The following PKD1L1 variants were observed in gnomAD, a reference collection of about 807,000 sequenced individuals.
PKD1L1 encodes the protein polycystin 1 like 1, transient receptor potential channel interacting.
A neutral mutation model predicts 323.4 loss-of-function variants in PKD1L1; 236 were observed. The ratio of observed to expected loss-of-function variants is 0.73; its 90% CI spans 0.66 to 0.81. PKD1L1 has a LOEUF of 0.81. PKD1L1 is among the 40% of genes least tolerant of loss of function. PKD1L1 has a pLI of 0.00. For missense variants in PKD1L1, 3,320 were observed against 3,508.0 expected, an observed-to-expected ratio of 0.95 and a Z score of 1.35; for synonymous variants, 1,344 against 1,335.0, an observed-to-expected ratio of 1.01 and a Z score of -0.15.
At chr7:47,933,090 C>T (rs1053173201) in intron 4 of PKD1L1, among the ~76,000 whole-genome samples, 5 of 152,214 alleles carry the variant, frequency 3.3e-5, no homozygotes, top group Admixed American at 3.3e-4. Flanking sequence ...AACATTTTAT[C>T]TGAGGAATGC....
intron 24 of PKD1L1, among the ~76,000 whole-genome samples, chr7:47,872,662 A>T (rs1196605127): frequency 1.3e-5 from 2 of 152,226 alleles, no homozygotes; most frequent in Admixed American, 6.5e-5. Context: ...ACTAACTAGA[A>T]CAGCTGTGAA....
At chr7:47,873,214 C>A (rs956560256) in intron 24 of PKD1L1, among the ~76,000 whole-genome samples, 2 of 151,946 alleles carry the variant, frequency 1.3e-5, no homozygotes, top group Non-Finnish European at 2.9e-5. Flanking sequence ...AAGGTTTTCA[C>A]GGGATGATGA....
At chr7:47,884,439 G>A (rs923814158) in intron 19 of PKD1L1, among the ~76,000 whole-genome samples, 159 bp downstream of exon 19, 5 of 152,140 alleles carry the variant, frequency 3.3e-5, no homozygotes, top group Admixed American at 6.5e-5. Flanking sequence ...AGAAATAAAG[G>A]TTTGGTTCAG....
chr7:47,863,314 G>A (rs773894044), intron 26 of PKD1L1, among the ~76,000 whole-genome samples: 4 of 152,130 alleles, frequency 2.6e-5, no homozygotes, highest in Admixed American at 6.5e-5. Context: ...AAATGAGAGC[G>A]TGTAGTTATA....
At position 47,793,871 on chromosome 7, in the gene PKD1L1, C is replaced by T. The variant is rs971877508; in HGVS notation, c.8356-1074G>A. ...GGTGGTCTCAGATGGAGATAAGGAA[C>T]TTGTTGGGAACTGGAGCAAAGGTGA... On this transcript the variant is annotated intron_variant, in intron 55 of 56. Transcript: ENST00000289672. 1.4e-4 allele frequency among the ~76,000 whole-genome samples: 21 copies of T among 152,084 alleles called. 1 individual carries two copies. The highest frequency in any genetic ancestry group is 1.4e-3 in the Admixed American group (21 of 15,262).
At chr7:47,859,509 C>T (rs1583626270) in intron 26 of PKD1L1, among the ~76,000 whole-genome samples, 1 of 151,906 alleles carries the variant, frequency 6.6e-6, no homozygotes, top group Admixed American at 6.6e-5. Context: ...GATGGGGTCT[C>T]ACTCTGTCAC....
chr7:47,940,768 A>G (rs1215585622), intron 2 of PKD1L1, among the ~76,000 whole-genome samples: 2 of 152,190 alleles, frequency 1.3e-5, no homozygotes, highest in Non-Finnish European at 2.9e-5. Flanking sequence ...CACCCAGGCA[A>G]TCTGGCCCTG....
intron 7 of PKD1L1, among the ~76,000 whole-genome samples, chr7:47,919,638 G>A (rs182325790): frequency 1.9e-4 from 29 of 151,976 alleles, no homozygotes; most frequent in Admixed American, 1.2e-3. Flanking sequence ...CTAGCTAACC[G>A]AATCCAACAT....
rs780383156 is a variant in PKD1L1, at chr7:47,877,590, T to C, written c.3562A>G (p.Thr1188Ala). The change falls in exon 22 of 57, where the codon ACA (threonine) becomes GCA (alanine). Residue 1188 changes from threonine to alanine, a missense_variant. By Grantham distance (58) the Thr-to-Ala change is moderately conservative. Transcript: ENST00000289672. ...ATGTCCCGAGGAGCCGGGTTGACTGTCAAGTACAGCTGAGCTTTACCCAGT... is the reference window on the plus strand; with the variant it reads ...ATGTCCCGAGGAGCCGGGTTGACTGCCAAGTACAGCTGAGCTTTACCCAGT... ...GLLGKAQLYL[T>A]VNPAPRDMAC... The C allele has an allele frequency of 3.1e-6, 5 of 1,613,968 alleles. No homozygotes were observed. The African/African-American group carries it at 6.7e-5, about 22-fold the overall frequency.
Position 47,885,688 on chromosome 7 carries a change from G to C in PKD1L1, c.3203C>G (p.Ser1068Cys). The change falls in exon 18 of 57, where the codon TCT (serine) becomes TGT (cysteine). Residue 1068 changes from serine to cysteine, a missense_variant and splice_region_variant. Ser to Cys is a moderately radical substitution (Grantham distance 112). Coordinates refer to ENST00000289672, the MANE Select transcript of PKD1L1 (RefSeq NM_138295.5). ...CATGCAGGAACAGTGGCACTTACCAGAGAGGTGAGGGTCAGGGCTGTGGGT... is the reference window on the plus strand; with the variant it reads ...CATGCAGGAACAGTGGCACTTACCACAGAGGTGAGGGTCAGGGCTGTGGGT... ...QPTHSPDPHL[S>C]DFEAYYSDIQ... 1 of 1,610,164 alleles carries C rather than the reference G, an allele frequency of 6.2e-7. No individual in the cohort carries two copies. Among genetic ancestry groups the C allele is most frequent in the African/African-American group, 1.3e-5 (1 of 74,954 alleles).
At chr7:47,815,856 A>G (rs1785005678) in intron 46 of PKD1L1, among the ~76,000 whole-genome samples, 2 of 6,816 alleles carry the variant, frequency 2.9e-4, no homozygotes, top group Admixed American at 3.1e-3. Context: ...TGAAGGAGGA[A>G]AAAAAAAAAG....
chr7:47,915,899 G>A (rs979801874), intron 7 of PKD1L1, among the ~76,000 whole-genome samples: 1 of 152,080 alleles, frequency 6.6e-6, no homozygotes, highest in East Asian at 1.9e-4. Flanking sequence ...ACTAACTAGT[G>A]GAGAAATTAA....
intron 31 of PKD1L1, among the ~76,000 whole-genome samples, chr7:47,852,573 T>C (rs975755696): frequency 6.6e-6 from 1 of 152,186 alleles, no homozygotes; most frequent in African/African-American, 2.4e-5. Flanking sequence ...TTCAGCCCAC[T>C]GAGCTCCAGT....
chr7:47,780,860 C>A (rs1786675728), intron 56 of PKD1L1, among the ~76,000 whole-genome samples: 1 of 152,198 alleles, frequency 6.6e-6, no homozygotes, highest in South Asian at 2.1e-4. Flanking sequence ...AATAAAGCTG[C>A]TGTGAACATT....
chr7:47,884,975 C>T (rs1329304156), intron 18 of PKD1L1, among the ~76,000 whole-genome samples: 1 of 152,190 alleles, frequency 6.6e-6, no homozygotes, highest in African/African-American at 2.4e-5. Flanking sequence ...AGCATCCTAT[C>T]CTCTCTTCAA....
In PKD1L1 at chr7:47,904,525, C is replaced by A; in HGVS notation, c.1784G>T (p.Arg595Leu). ...IRVQKKIVAN[R>L]LTSPSSALVN... ...CAGAGCTGAGGAGGGGGACGTGAGC[C>A]GATTGGCCACAATTTTCTTCTGCAC... The change falls in exon 12 of 57, where the codon CGG (arginine) becomes CTG (leucine). Residue 595 changes from arginine (R) to leucine (L), a missense_variant. By Grantham distance (102) the Arg-to-Leu change is moderately radical. Transcript: ENST00000289672. 6 of 1,614,098 alleles carry A rather than the reference C, an allele frequency of 3.7e-6. No homozygotes were observed. The highest frequency in any genetic ancestry group is 5.1e-6 in the Non-Finnish European group (6 of 1,180,014).
At chr7:47,781,778 GAC>G (rs1478577357) in intron 56 of PKD1L1, among the ~76,000 whole-genome samples, 1 of 152,006 alleles carries the variant, frequency 6.6e-6, no homozygotes, top group Non-Finnish European at 1.5e-5. Flanking sequence ...CTGCAAATTT[GAC>G]AGTTTCATGT....
chr7:47,908,260 T>C lies in PKD1L1; in HGVS notation c.1229-10A>G, dbSNP rs779560274. 5.0e-6 allele frequency: 8 copies of C among 1,609,038 alleles called. No homozygotes were observed. In the South Asian group the frequency reaches 8.8e-5, roughly 18 times the overall value. ...AGCATATAGACTCCTTCTGGAAAAA[T>C]AAGAATGAACGGACACTTGATGAAT... On this transcript the variant is annotated splice_polypyrimidine_tract_variant and intron_variant, in intron 8 of 56. Coordinates refer to ENST00000289672, the MANE Select transcript of PKD1L1 (RefSeq NM_138295.5).
the PKD1L1 span, among the ~76,000 whole-genome samples, chr7:47,955,110 T>C: frequency 6.6e-6 from 1 of 152,328 alleles, no homozygotes; most frequent in South Asian, 2.1e-4. Flanking sequence ...CAAAGACTGT[T>C]ACAGACACTG....
Sources: allele counts gnomAD v4.1 joint callset (sites outside exome capture counted in the v4.1 genomes callset), GRCh38; gene constraint gnomAD v4.1.1; transcripts MANE v1.5; gene names NCBI Gene and HGNC (gene_info 2026-07-23, HGNC 2026-07-21).